The following CAST variants were observed in gnomAD, a reference collection of about 807,000 sequenced individuals.
CAST encodes MIR583 host.
A neutral mutation model predicts 119.6 loss-of-function variants in CAST; 76 were observed. The observed-to-expected ratio is 0.64, with a 90% CI of 0.53 to 0.77. The LOEUF (loss-of-function observed/expected upper bound fraction) is 0.77, where lower values mean the gene tolerates loss of function less well. Ranked by LOEUF, CAST falls within the 30% of genes least tolerant of loss-of-function variation. The pLI is 0.00. For missense variants in CAST, 953 were observed against 946.5 expected (o/e 1.01, Z -0.09); for synonymous variants, 319 against 331.6 (o/e 0.96, Z 0.41).
the CAST span, among the ~76,000 whole-genome samples, chr5:96,241,744 A>C: frequency 6.7e-6 from 1 of 148,304 alleles, no homozygotes; most frequent in Non-Finnish European, 1.5e-5. Flanking sequence ...TGACTTTTTA[A>C]TGATTGCCAT....
the CAST span, among the ~76,000 whole-genome samples, chr5:96,350,739 A>G: frequency 1.3e-5 from 2 of 152,134 alleles, no homozygotes. Context: ...CTCCTTCTCC[A>G]TGTGCCCCCA....
chr5:96,328,382 C>CTCTCTCTCTCTCT, the CAST span, among the ~76,000 whole-genome samples: 53 of 18,958 alleles, frequency 2.8e-3, 8 homozygotes, highest in East Asian at 3.6e-3. Context: ...CTTCTCTCTC[C>CTCTCTCTCTCTCT]CTCTCTCTCT....
At chr5:96,147,586 G>C in the CAST span, among the ~76,000 whole-genome samples, 2 of 152,068 alleles carry the variant, frequency 1.3e-5, no homozygotes, top group Non-Finnish European at 2.9e-5. Flanking sequence ...CTGGGCGACA[G>C]AGCGAGACTC....
At chr5:96,048,835 G>T in the CAST span, among the ~76,000 whole-genome samples, 1 of 152,120 alleles carries the variant, frequency 6.6e-6, no homozygotes, top group Non-Finnish European at 1.5e-5. Flanking sequence ...GCAATAAGAC[G>T]TAGTTCCCAA....
At chr5:96,402,797 A>T in the CAST span, among the ~76,000 whole-genome samples, 2 of 152,096 alleles carry the variant, frequency 1.3e-5, no homozygotes, top group Admixed American at 6.5e-5. Context: ...CCCGACAAAC[A>T]TACCACTTTA....
At chr5:96,344,615 A>G in the CAST span, among the ~76,000 whole-genome samples, 1 of 152,188 alleles carries the variant, frequency 6.6e-6, no homozygotes, top group Admixed American at 6.5e-5. Flanking sequence ...GAGAAATTAA[A>G]CATACTCTAC....
chr5:96,104,487 A>G, the CAST span, among the ~76,000 whole-genome samples: 9 of 150,650 alleles, frequency 6.0e-5, no homozygotes, highest in South Asian at 8.7e-4. Context: ...TTTATTAAAT[A>G]GGGAATCCTT....
chr5:96,041,571 T>C, the CAST span, among the ~76,000 whole-genome samples: 1 of 152,164 alleles, frequency 6.6e-6, no homozygotes, highest in African/African-American at 2.4e-5. Flanking sequence ...TAGTTATTAA[T>C]AATGTATAAA....
At chr5:96,751,514 C>T (rs1317266011) in intron 20 of CAST, among the ~76,000 whole-genome samples, 1 of 152,186 alleles carries the variant, frequency 6.6e-6, no homozygotes, top group African/African-American at 2.4e-5. Context: ...ATGGCCCCTG[C>T]TCTCAGCTGT....
the CAST span, among the ~76,000 whole-genome samples, chr5:96,474,096 A>T: frequency 6.6e-6 from 1 of 152,194 alleles, no homozygotes; most frequent in African/African-American, 2.4e-5. Flanking sequence ...CCTGTAAGCC[A>T]TGTGGATCAG....
the CAST span, among the ~76,000 whole-genome samples, chr5:96,308,373 T>C: frequency 1.3e-5 from 2 of 152,120 alleles, no homozygotes; most frequent in South Asian, 4.2e-4. Context: ...TTCTGAGGTT[T>C]TTAGCTTCCT....
chr5:96,481,965 C>T, the CAST span, among the ~76,000 whole-genome samples: 2 of 152,094 alleles, frequency 1.3e-5, no homozygotes, highest in Non-Finnish European at 2.9e-5. Context: ...ATTATGAAGC[C>T]TCGTTTTAAA....
chr5:96,569,951 T>G (rs1746542462), intron 1 of CAST, among the ~76,000 whole-genome samples: 1 of 152,220 alleles, frequency 6.6e-6, no homozygotes, highest in South Asian at 2.1e-4. Context: ...AGGTGGCACC[T>G]GGAGCTCAAT....
chr5:96,313,878 T>C, the CAST span, among the ~76,000 whole-genome samples: 2 of 152,314 alleles, frequency 1.3e-5, no homozygotes, highest in Admixed American at 6.5e-5. Context: ...AAATCAGTTA[T>C]GAAAAACATC....
At chr5:96,228,871 TAA>T in the CAST span, among the ~76,000 whole-genome samples, 14 of 152,114 alleles carry the variant, frequency 9.2e-5, no homozygotes, top group Non-Finnish European at 1.9e-4. Context: ...AGAGTAATAA[TAA>T]AATATATAGG....
chr5:96,624,796 A>T (rs928627012), intron 1 of CAST, among the ~76,000 whole-genome samples: 1 of 152,226 alleles, frequency 6.6e-6, no homozygotes, highest in African/African-American at 2.4e-5. Flanking sequence ...ATTACTATGA[A>T]CCAGCGCCAT....
At chr5:96,446,247 A>T in the CAST span, among the ~76,000 whole-genome samples, 10 of 152,010 alleles carry the variant, frequency 6.6e-5, no homozygotes, top group African/African-American at 2.4e-4. Flanking sequence ...TTTGGTCTAC[A>T]TAAGAATCCT....
the CAST span, among the ~76,000 whole-genome samples, chr5:96,210,381 A>T: frequency 6.6e-6 from 1 of 151,936 alleles, no homozygotes; most frequent in Non-Finnish European, 1.5e-5. Context: ...GTGTATGTTG[A>T]GGTTCATATT....
the CAST span, among the ~76,000 whole-genome samples, chr5:96,166,255 T>C: frequency 1.3e-5 from 2 of 152,246 alleles, no homozygotes; most frequent in Non-Finnish European, 2.9e-5. Flanking sequence ...GGTAGTACCT[T>C]TATTTTAATT....
Sources: gnomAD v4.1 joint callset for allele counts (sites outside exome capture counted in the v4.1 genomes callset) on GRCh38, gnomAD v4.1.1 for gene constraint, MANE v1.5 for transcripts, NCBI Gene and HGNC (gene_info 2026-07-23, HGNC 2026-07-21) for gene names.